ICA1L: variants seen among roughly 807,000 people sequenced by gnomAD.
ICA1L encodes islet cell autoantigen 1-like protein.
ICA1L carries 50 observed loss-of-function variants against 61.3 expected under a neutral mutation model. The observed-to-expected ratio is 0.82, with a 90% confidence interval of 0.65 to 1.03. ICA1L has a LOEUF of 1.03. ICA1L is among the 50% of genes least tolerant of loss of function. The pLI, the probability that ICA1L is intolerant of heterozygous loss-of-function variation, is 0.00. For synonymous variants in ICA1L, 161 were observed against 191.3 expected (o/e 0.84, Z 1.31); for missense variants, 508 against 556.7 (o/e 0.91, Z 0.88).
At chr2:202,799,056 G>A (rs1032859767) in intron 9 of ICA1L, among the ~76,000 whole-genome samples, 1 of 152,018 alleles carries the variant, frequency 6.6e-6, no homozygotes, top group African/African-American at 2.4e-5. Flanking sequence ...CTATATCCTT[G>A]CTATTATGAA....
At chr2:202,820,992 T>C (rs1053383477) in intron 4 of ICA1L, among the ~76,000 whole-genome samples, 4 of 152,306 alleles carry the variant, frequency 2.6e-5, no homozygotes, top group African/African-American at 7.2e-5. Context: ...ATTTATAGTA[T>C]AGTATCAAAA....
At position 202,864,339 on chromosome 2, in the gene ICA1L, G is replaced by A. The variant is rs180673567; in HGVS notation, c.-8+7280C>T. On this transcript the variant is annotated intron_variant, in intron 1 of 12. Coordinates refer to ENST00000358299, the MANE Select transcript of ICA1L (RefSeq NM_001288622.3). ...GCTCACTGCAAGCTCCGCCTCCCGG[G>A]TTCACGCCATTCTCCTGCCTCAGCC... Among the ~76,000 whole-genome samples the A allele has an allele frequency of 3.2e-3, 488 of 152,100 alleles. 4 individuals carry two copies. The highest frequency in any genetic ancestry group is 0.011 in the African/African-American group (470 of 41,484).
chr2:202,794,143 C>A (rs539331702), intron 10 of ICA1L, among the ~76,000 whole-genome samples: 4 of 151,296 alleles, frequency 2.6e-5, no homozygotes, highest in Non-Finnish European at 5.9e-5. Context: ...GAAGAAAAAG[C>A]AAATAATTGC....
intron 9 of ICA1L, among the ~76,000 whole-genome samples, chr2:202,797,925 C>G (rs1440380565): frequency 1.3e-5 from 2 of 152,124 alleles, no homozygotes; most frequent in Non-Finnish European, 2.9e-5. Context: ...AATTTTGTAT[C>G]CTTTGGCCAT....
rs560994402 is a variant in ICA1L, at chr2:202,776,056, A to T, written c.*3477T>A. 6.6e-6 allele frequency: 1 copy of T among 152,372 alleles called. No individual in the cohort carries two copies. Among genetic ancestry groups the T allele is most frequent in the East Asian group, 1.9e-4 (1 of 5,194 alleles). The allele number at this position is 152,372 out of a possible 1,614,324, so 9.4% of individuals were successfully genotyped here. A position where few individuals can be genotyped will look rare whatever the true frequency, so the allele number is the denominator to read the frequency against. On this transcript the variant is annotated 3_prime_UTR_variant, in exon 13 of 13. Coordinates refer to ENST00000358299, the MANE Select transcript of ICA1L (RefSeq NM_001288622.3). ...TAAACTTCCTTCGTTCTAATGCTGT[A>T]AGACCTCTACATTTCTAGATGGTCT...
intron 1 of ICA1L, among the ~76,000 whole-genome samples, chr2:202,851,150 A>T (rs541438949): frequency 1.3e-5 from 2 of 151,676 alleles, no homozygotes; most frequent in Admixed American, 6.6e-5. Flanking sequence ...TCCTAATGCT[A>T]TCCCTCCCCA....
At position 202,778,593 on chromosome 2, in the gene ICA1L, C is replaced by T. The variant is rs959145987; in HGVS notation, c.*940G>A. 1.3e-5 allele frequency: 2 copies of T among 152,236 alleles called. No homozygotes were observed. The highest frequency in any genetic ancestry group is 2.4e-5 in the African/African-American group (1 of 41,412). The allele number at this position is 152,236 out of a possible 1,614,324, so 9.4% of individuals were successfully genotyped here. ...CAAATATATGTAAGGATAAGGTGTT[C>T]ATAAGTGTCTCCCTCATTCAGATAG... On this transcript the variant is annotated 3_prime_UTR_variant, in exon 13 of 13. Coordinates refer to ENST00000358299, the MANE Select transcript of ICA1L (RefSeq NM_001288622.3).
rs1438837968 is a variant in ICA1L, at chr2:202,778,536, A to ATAAT, written c.*993_*996dup. The ATAAT allele has an allele frequency of 6.6e-6, 1 of 152,204 alleles. No individual in the cohort carries two copies. The highest frequency in any genetic ancestry group is 2.4e-5 in the African/African-American group (1 of 41,458). 9.4% of individuals were successfully genotyped at this position (152,204 alleles called of 1,614,324 possible). On this transcript the variant is annotated 3_prime_UTR_variant, in exon 13 of 13. Coordinates refer to ENST00000358299, the MANE Select transcript of ICA1L (RefSeq NM_001288622.3). Reference sequence around the variant, plus strand: ...TCTGCCAGAAAGTATTCTGGGTTAAATAATTATGTCACAAAATATGAGATA... The same window carrying ATAAT: ...TCTGCCAGAAAGTATTCTGGGTTAAATAATTAATTATGTCACAAAATATGAGATA...
At chr2:202,832,648 T>G (rs1322567343) in intron 1 of ICA1L, among the ~76,000 whole-genome samples, 1 of 152,048 alleles carries the variant, frequency 6.6e-6, no homozygotes, top group Non-Finnish European at 1.5e-5. Context: ...ATGTGGAGGC[T>G]CACACCTGTA....
intron 1 of ICA1L, among the ~76,000 whole-genome samples, chr2:202,850,081 CAG>C (rs1694576411): frequency 6.6e-6 from 1 of 152,092 alleles, no homozygotes; most frequent in South Asian, 2.1e-4. Context: ...ACCTAACAAA[CAG>C]AAAGCAATAA....
intron 11 of ICA1L, among the ~76,000 whole-genome samples, chr2:202,787,118 G>A (rs1692612032): frequency 6.6e-6 from 1 of 152,132 alleles, no homozygotes; most frequent in Non-Finnish European, 1.5e-5. Context: ...TGGTAAAGTC[G>A]AGTTCTGCAC....
intron 1 of ICA1L, among the ~76,000 whole-genome samples, chr2:202,865,999 C>A (rs1043765992): frequency 6.6e-6 from 1 of 152,122 alleles, no homozygotes; most frequent in Non-Finnish European, 1.5e-5. Flanking sequence ...GCAACAAATT[C>A]AGTGAAATAT....
At position 202,779,480 on chromosome 2, in the gene ICA1L, A is replaced by G. The variant is rs1382779979; in HGVS notation, c.*53T>C. On this transcript the variant is annotated 3_prime_UTR_variant, in exon 13 of 13. Transcript: ENST00000358299. ...AATCTAAATCCTTTCCACGAAGGAA[A>G]TACGTTGCAAAATTGATGTCTCAAG... The G allele has an allele frequency of 9.2e-7, 1 of 1,084,822 alleles. No individual in the cohort carries two copies. 67.2% of individuals were successfully genotyped at this position (1,084,822 alleles called of 1,614,324 possible). A position where few individuals can be genotyped will look rare whatever the true frequency, so the allele number is the denominator to read the frequency against.
intron 1 of ICA1L, among the ~76,000 whole-genome samples, chr2:202,862,294 A>C (rs1314248779): frequency 6.9e-6 from 1 of 144,154 alleles, no homozygotes; most frequent in Non-Finnish European, 1.5e-5. Context: ...AAAAAAAAAA[A>C]AAAAAAAAAA....
At chr2:202,833,452 G>C (rs1694065893) in intron 1 of ICA1L, among the ~76,000 whole-genome samples, 2 of 152,126 alleles carry the variant, frequency 1.3e-5, no homozygotes, top group Non-Finnish European at 2.9e-5. Context: ...ATGTATGGTG[G>C]TGTGAGCCTT....
chr2:202,779,753 A>AAATT (rs1049145676), intron 12 of ICA1L, 105 bp from the exon 13 acceptor site: 322 of 640,120 alleles, frequency 5.0e-4, no homozygotes, highest in Non-Finnish European at 7.5e-4. Flanking sequence ...GATTAAGAAA[A>AAATT]AATTAAGATA....
intron 1 of ICA1L, among the ~76,000 whole-genome samples, chr2:202,854,807 C>A (rs879491233): frequency 9.9e-5 from 15 of 152,226 alleles, no homozygotes; most frequent in Admixed American, 5.2e-4. Context: ...GCGGGCAGAT[C>A]ACAAGGTCAG....
intron 4 of ICA1L, among the ~76,000 whole-genome samples, chr2:202,820,904 A>G (rs1693683250): frequency 6.6e-6 from 1 of 152,232 alleles, no homozygotes; most frequent in African/African-American, 2.4e-5. Context: ...AGGTATCATT[A>G]TATTAGAAAC....
At chr2:202,856,197 T>C (rs1694766915) in intron 1 of ICA1L, among the ~76,000 whole-genome samples, 1 of 151,824 alleles carries the variant, frequency 6.6e-6, no homozygotes, top group Non-Finnish European at 1.5e-5. Flanking sequence ...TTCAGGCCAA[T>C]ATCCCTGATG....
Sources: allele counts gnomAD v4.1 joint callset (sites outside exome capture counted in the v4.1 genomes callset), GRCh38; gene constraint gnomAD v4.1.1; transcripts MANE v1.5; gene names NCBI Gene and HGNC (gene_info 2026-07-23, HGNC 2026-07-21).